The following TMEM232 variants were observed in gnomAD, a reference collection of about 807,000 sequenced individuals.
The protein encoded by TMEM232 is transmembrane protein 232.
A neutral mutation model predicts 78.8 loss-of-function variants in TMEM232; 80 were observed. The ratio of observed to expected loss-of-function variants is 1.01; its 90% CI spans 0.85 to 1.22. The LOEUF is 1.22. TMEM232 is among the 50% of genes most tolerant of loss of function. The pLI is 0.00. For synonymous variants in TMEM232, 297 were observed against 254.3 expected (o/e 1.17, Z -1.60); for missense variants, 881 against 742.2 (o/e 1.19, Z -2.17).
chr5:110,420,942 C>T (rs1580599293), intron 13 of TMEM232, among the ~76,000 whole-genome samples, 186 bp from the exon 14 acceptor site: 1 of 150,904 alleles, frequency 6.6e-6, no homozygotes, highest in East Asian at 1.9e-4. Flanking sequence ...GCATGTAAGT[C>T]CCACAAAGCA....
intron 1 of TMEM232, among the ~76,000 whole-genome samples, chr5:110,677,925 C>T (rs573309339): frequency 1.4e-4 from 21 of 152,212 alleles, no homozygotes; most frequent in Non-Finnish European, 2.4e-4. Context: ...GCAAAGAATA[C>T]TATTGAAATT....
chr5:110,420,368 A>T lies in TMEM232; in HGVS notation c.*212T>A. 2.4e-6 allele frequency: 1 copy of T among 409,178 alleles called. No individual in the cohort carries two copies. The highest frequency in any genetic ancestry group is 4.2e-6 in the Non-Finnish European group (1 of 235,364). The allele number at this position is 409,178 out of a possible 1,614,324, so 25.3% of individuals were successfully genotyped here. A position where few individuals can be genotyped will look rare whatever the true frequency, so the allele number is the denominator to read the frequency against. On this transcript the variant is annotated 3_prime_UTR_variant, in exon 14 of 14. Transcript: ENST00000455884. Reference sequence around the variant, plus strand: ...AATTTTTGACTAGTGAAATCACTTCATTCAAGTGTGATTAAAAGTTGGTCA... The same window carrying T: ...AATTTTTGACTAGTGAAATCACTTCTTTCAAGTGTGATTAAAAGTTGGTCA...
intron 11 of TMEM232, among the ~76,000 whole-genome samples, chr5:110,557,545 G>A (rs7701532): frequency 0.028 from 4,320 of 152,252 alleles, 98 homozygotes; most frequent in Non-Finnish European, 0.041. Context: ...AGCCTATACA[G>A]GAAGCATAGC....
chr5:110,666,363 T>C (rs989346903), intron 2 of TMEM232, among the ~76,000 whole-genome samples: 6 of 152,216 alleles, frequency 3.9e-5, no homozygotes, highest in South Asian at 2.1e-4. Flanking sequence ...TATTCTACTA[T>C]TCAGATACAT....
At chr5:110,509,334 C>T (rs1767415812) in intron 12 of TMEM232, among the ~76,000 whole-genome samples, 1 of 151,944 alleles carries the variant, frequency 6.6e-6, no homozygotes, top group Non-Finnish European at 1.5e-5. Context: ...ACTCAGGAGG[C>T]TGAGAGGCAG....
intron 10 of TMEM232, among the ~76,000 whole-genome samples, chr5:110,601,594 T>C (rs1162684936): frequency 6.6e-6 from 1 of 152,106 alleles, no homozygotes; most frequent in East Asian, 1.9e-4. Context: ...AAAAAGGATG[T>C]GAAGGACCTC....
chr5:110,396,088 G>A (rs1356504128), intron 3 of TMEM232, among the ~76,000 whole-genome samples: 2 of 152,288 alleles, frequency 1.3e-5, no homozygotes, highest in East Asian at 3.9e-4. Context: ...GCATGGCTGG[G>A]GAGGCCTCAG....
At chr5:110,706,590 T>G (rs1001994603) in intron 1 of TMEM232, among the ~76,000 whole-genome samples, 2 of 152,180 alleles carry the variant, frequency 1.3e-5, no homozygotes, top group Non-Finnish European at 2.9e-5. Context: ...TATTTCTGAC[T>G]GACTGAGGGC....
chr5:110,666,221 A>G (rs755074201), intron 2 of TMEM232, among the ~76,000 whole-genome samples: 2 of 152,174 alleles, frequency 1.3e-5, no homozygotes, highest in African/African-American at 2.4e-5. Context: ...ATCTATTACT[A>G]TCTGGTAGGC....
At chr5:110,728,874 TTTTTA>T (rs1798408625), upstream of TMEM232, among the ~76,000 whole-genome samples, 1 of 150,650 alleles carries the variant, frequency 6.6e-6, no homozygotes, top group South Asian at 2.1e-4. Context: ...TTACCAGTCT[TTTTTA>T]TTTTATTTTA....
At chr5:110,451,579 T>G (rs530093667) in intron 12 of TMEM232, among the ~76,000 whole-genome samples, 36 of 152,314 alleles carry the variant, frequency 2.4e-4, no homozygotes, top group Admixed American at 7.2e-4. Context: ...TCTTTTGCTT[T>G]AATGATTTTG....
At chr5:110,645,266 C>G (rs1440767978) in intron 2 of TMEM232, among the ~76,000 whole-genome samples, 1 of 151,450 alleles carries the variant, frequency 6.6e-6, no homozygotes, top group Non-Finnish European at 1.5e-5. Context: ...TACAAAGACA[C>G]TAGGAGTAAA....
At chr5:110,630,738 T>C (rs1439634235) in intron 5 of TMEM232, among the ~76,000 whole-genome samples, 2 of 152,128 alleles carry the variant, frequency 1.3e-5, no homozygotes, top group Admixed American at 1.3e-4. Context: ...TACTTCTTTA[T>C]AACAGTGTGA....
intron 10 of TMEM232, among the ~76,000 whole-genome samples, chr5:110,594,278 A>G (rs1315531838): frequency 6.6e-6 from 1 of 152,070 alleles, no homozygotes; most frequent in Non-Finnish European, 1.5e-5. Flanking sequence ...TCCAGCCCAG[A>G]TACTACATTT....
At chr5:110,401,906 G>A (rs984083162) in intron 2 of TMEM232, among the ~76,000 whole-genome samples, 1 of 152,026 alleles carries the variant, frequency 6.6e-6, no homozygotes, top group Admixed American at 6.6e-5. Flanking sequence ...CATTTAAAGG[G>A]CATATATTCT....
rs115349836 is a variant in TMEM232, at chr5:110,692,671, A to G, written c.-12-25307T>C. Among the ~76,000 whole-genome samples, 935 of 152,324 alleles carry G rather than the reference A, an allele frequency of 6.1e-3. 10 individuals carry two copies. The highest frequency in any genetic ancestry group is 0.021 in the African/African-American group (886 of 41,584). On this transcript the variant is annotated intron_variant, in intron 1 of 13. Transcript: ENST00000455884. Reference sequence around the variant, plus strand: ...AGATTATATCTCACACCTGGCGCAGAGGGTCTTACACCCATGGAGCATCGC... The same window carrying G: ...AGATTATATCTCACACCTGGCGCAGGGGGTCTTACACCCATGGAGCATCGC...
chr5:110,502,689 A>G (rs1261641523), intron 12 of TMEM232, among the ~76,000 whole-genome samples: 2 of 151,904 alleles, frequency 1.3e-5, no homozygotes, highest in African/African-American at 4.8e-5. Context: ...CTTTCCCCTC[A>G]CTCACTACCC....
chr5:110,620,577 A>ATCTCTCTCTC (rs66736608), intron 7 of TMEM232, among the ~76,000 whole-genome samples: 16 of 43,132 alleles, frequency 3.7e-4, no homozygotes, highest in African/African-American at 1.0e-3. Context: ...TGTCTCTCAT[A>ATCTCTCTCTC]TCTCTCTCTC....
chr5:110,395,614 T>C (rs1480707491), intron 3 of TMEM232, among the ~76,000 whole-genome samples: 1 of 152,194 alleles, frequency 6.6e-6, no homozygotes, highest in Non-Finnish European at 1.5e-5. Flanking sequence ...TTTTTGCTGA[T>C]GCTGCTGTTG....
Sources: gnomAD v4.1 joint callset for allele counts (sites outside exome capture counted in the v4.1 genomes callset) on GRCh38, gnomAD v4.1.1 for gene constraint, MANE v1.5 for transcripts, NCBI Gene and HGNC (gene_info 2026-07-23, HGNC 2026-07-21) for gene names.